Variants in NRXN3 observed in about 807,000 individuals in gnomAD.
The protein encoded by NRXN3 is neurexin III.
NRXN3 carries 32 observed loss-of-function variants against 137.6 expected under a neutral mutation model. That is an observed-to-expected ratio of 0.23 (90% CI 0.18 to 0.31). The LOEUF (loss-of-function observed/expected upper bound fraction) is 0.31, where lower values mean the gene tolerates loss of function less well. NRXN3 is among the 10% of genes least tolerant of loss of function. The pLI is 1.00. For missense variants in NRXN3, 1,574 were observed against 2,062.5 expected, an observed-to-expected ratio of 0.76 and a Z score of 4.59; for synonymous variants, 798 against 784.5, an observed-to-expected ratio of 1.02 and a Z score of -0.29.
intron 17 of NRXN3, among the ~76,000 whole-genome samples, chr14:79,670,644 G>A (rs2098602253): frequency 6.6e-6 from 1 of 152,078 alleles, no homozygotes; most frequent in South Asian, 2.1e-4. Context: ...CTGACAGCAT[G>A]GCTATGGTGC....
intron 19 of NRXN3, among the ~76,000 whole-genome samples, chr14:79,699,277 T>C (rs193231050): frequency 4.0e-5 from 6 of 151,790 alleles, no homozygotes; most frequent in African/African-American, 1.5e-4. Flanking sequence ...TAAAAGGCAA[T>C]ATATATTTCT....
intron 19 of NRXN3, among the ~76,000 whole-genome samples, chr14:79,760,106 A>G (rs1780607906): frequency 6.6e-6 from 1 of 151,674 alleles, no homozygotes; most frequent in African/African-American, 2.4e-5. Context: ...TTTCCAACTG[A>G]GTACATCAGC....
At chr14:78,348,233 C>T (rs1004087606) in intron 4 of NRXN3, among the ~76,000 whole-genome samples, 1 of 152,192 alleles carries the variant, frequency 6.6e-6, no homozygotes, top group Admixed American at 6.5e-5. Flanking sequence ...TACACCTATG[C>T]ATTCAGAGGC....
intron 5 of NRXN3, among the ~76,000 whole-genome samples, chr14:78,645,876 C>T (rs11849937): frequency 0.11 from 16,384 of 151,966 alleles, 1,732 homozygotes; most frequent in African/African-American, 0.27. Context: ...AATTTTAATT[C>T]CTTCCAGAAA....
chr14:79,240,172 T>G (rs2074045726), intron 15 of NRXN3, among the ~76,000 whole-genome samples: 1 of 152,124 alleles, frequency 6.6e-6, no homozygotes, highest in African/African-American at 2.4e-5. Context: ...ATATATGCAA[T>G]TATAGTATGC....
chr14:79,236,110 G>A (rs952252148), intron 15 of NRXN3, among the ~76,000 whole-genome samples: 15 of 152,054 alleles, frequency 9.9e-5, no homozygotes, highest in African/African-American at 3.6e-4. Flanking sequence ...TTCTCACAAT[G>A]CCATGAGAAA....
At chr14:79,008,098 G>A (rs960246062) in intron 15 of NRXN3, among the ~76,000 whole-genome samples, 2 of 152,084 alleles carry the variant, frequency 1.3e-5, no homozygotes, top group African/African-American at 4.8e-5. Flanking sequence ...CACATAAGAA[G>A]GGGTTATTCG....
intron 14 of NRXN3, among the ~76,000 whole-genome samples, chr14:78,987,155 C>G (rs2099508629): frequency 6.6e-6 from 1 of 152,076 alleles, no homozygotes; most frequent in African/African-American, 2.4e-5. Context: ...GTGTGCCTCC[C>G]TGCAAAAGTT....
chr14:78,366,069 G>A (rs2085893294), intron 4 of NRXN3, among the ~76,000 whole-genome samples: 1 of 152,092 alleles, frequency 6.6e-6, no homozygotes, highest in African/African-American at 2.4e-5. Flanking sequence ...TCAAGCCTCA[G>A]TTTCTTCCTC....
Position 78,242,946 on chromosome 14 carries a change from G to T in NRXN3, c.-148G>T. On this transcript the variant is annotated 5_prime_UTR_variant, in exon 2 of 21. Coordinates refer to ENST00000335750, the MANE Select transcript of NRXN3 (RefSeq NM_001330195.2). ...CTTTCCTCCATCTCCACTATCTCAG[G>T]ATCTGTGTGTGTGCTGCCTTCCTCC... 1 of 607,924 alleles carries T rather than the reference G, an allele frequency of 1.6e-6. No individual in the cohort carries two copies. The highest frequency in any genetic ancestry group is 2.9e-6 in the Non-Finnish European group (1 of 347,780). The allele number at this position is 607,924 out of a possible 1,614,324, so 37.7% of individuals were successfully genotyped here. A position where few individuals can be genotyped will look rare whatever the true frequency, so the allele number is the denominator to read the frequency against.
chr14:78,226,687 C>A (rs552572953), intron 1 of NRXN3, among the ~76,000 whole-genome samples: 39 of 152,078 alleles, frequency 2.6e-4, no homozygotes, highest in Non-Finnish European at 4.7e-4. Context: ...TGAAGCCATG[C>A]TGATAGAATA....
At chr14:79,178,836 G>A (rs1457569544) in intron 15 of NRXN3, among the ~76,000 whole-genome samples, 1 of 152,108 alleles carries the variant, frequency 6.6e-6, no homozygotes, top group Non-Finnish European at 1.5e-5. Flanking sequence ...ACTTTACTCT[G>A]GGATGTGAAT....
chr14:79,354,801 G>A (rs1180586393), intron 15 of NRXN3, among the ~76,000 whole-genome samples: 1 of 152,162 alleles, frequency 6.6e-6, no homozygotes, highest in East Asian at 1.9e-4. Flanking sequence ...TAGAAATAAT[G>A]TAACAAAACA....
At chr14:78,244,934 CTGTT>C (rs571037001) in intron 2 of NRXN3, among the ~76,000 whole-genome samples, 1 of 152,320 alleles carries the variant, frequency 6.6e-6, no homozygotes, top group South Asian at 2.1e-4. Flanking sequence ...CCAAATCTGA[CTGTT>C]TGGGGTTAGA....
chr14:78,822,724 A>G (rs1040138762), intron 10 of NRXN3, among the ~76,000 whole-genome samples: 4 of 149,342 alleles, frequency 2.7e-5, no homozygotes, highest in African/African-American at 7.6e-5. Flanking sequence ...AAAAAAAAAA[A>G]GAAAAGAAAG....
At chr14:78,176,674 G>A (rs1595594412) in intron 1 of NRXN3, among the ~76,000 whole-genome samples, 2 of 152,174 alleles carry the variant, frequency 1.3e-5, no homozygotes, top group African/African-American at 2.4e-5. Context: ...TATGCACCAC[G>A]TTTGATGCAG....
intron 6 of NRXN3, among the ~76,000 whole-genome samples, chr14:78,690,990 G>T (rs905314930): frequency 3.3e-5 from 5 of 152,108 alleles, no homozygotes; most frequent in African/African-American, 1.2e-4. Context: ...CGTGGGGGAA[G>T]CCTCTTTTTA....
Position 79,127,081 on chromosome 14 carries a change from T to C in NRXN3, c.3262+138940T>C, listed in dbSNP as rs1301197186. On this transcript the variant is annotated intron_variant, in intron 15 of 20. Coordinates refer to ENST00000335750, the MANE Select transcript of NRXN3 (RefSeq NM_001330195.2). ...TTGTAGATTCTGGATATTAGCCCTT[T>C]GTCAGATGAGTAGGTTGCGAAAATT... is the stretch of plus-strand genomic sequence containing the variant. Among the ~76,000 whole-genome samples, 4 of 152,258 alleles carry C rather than the reference T, an allele frequency of 2.6e-5. No homozygotes were observed. In the East Asian group the frequency reaches 7.7e-4, roughly 29 times the overall value.
intron 4 of NRXN3, among the ~76,000 whole-genome samples, chr14:78,579,758 T>C (rs576959954): frequency 3.9e-5 from 6 of 152,100 alleles, no homozygotes; most frequent in Admixed American, 6.6e-5. Context: ...AATAGCTTAG[T>C]TTTGTTAAGT....
Sources: allele counts gnomAD v4.1 joint callset (sites outside exome capture counted in the v4.1 genomes callset), GRCh38; gene constraint gnomAD v4.1.1; transcripts MANE v1.5; gene names NCBI Gene and HGNC (gene_info 2026-07-23, HGNC 2026-07-21).